Variants in PCDH11X observed in about 807,000 individuals in gnomAD.
PCDH11X encodes the protein protocadherin 11 X-linked.
A neutral mutation model predicts 53.3 loss-of-function variants in PCDH11X; 18 were observed. That is an observed-to-expected ratio of 0.34 (90% CI 0.23 to 0.50). The LOEUF (loss-of-function observed/expected upper bound fraction) is 0.50. Ranked by LOEUF, PCDH11X falls within the 20% of genes least tolerant of loss-of-function variation. PCDH11X has a pLI of 0.98. For missense variants in PCDH11X, 570 were observed against 1,032.4 expected (o/e 0.55, Z 6.14); for synonymous variants, 279 against 393.3 (o/e 0.71, Z 3.44).
In PCDH11X at chrX:92,409,996, G is replaced by A. The variant is rs1456972687; in HGVS notation, c.3343+22063G>A. ...CATAGATTTATACATAGGACTGGTG[G>A]CAAAAAATGTAAACTAGAAATATGA... On this transcript the variant is annotated intron_variant, in intron 9 of 10. Transcript: ENST00000682573. Among the ~76,000 whole-genome samples the A allele has an allele frequency of 2.7e-5, 3 of 110,700 alleles. No individual in the cohort carries two copies. In the Admixed American group the frequency reaches 2.9e-4, roughly 11 times the overall value.
At chrX:92,218,449 G>C (rs1026223087) in intron 7 of PCDH11X, among the ~76,000 whole-genome samples, 3 of 111,463 alleles carry the variant, frequency 2.7e-5, no homozygotes, top group African/African-American at 9.8e-5. Context: ...AAATCTAGAA[G>C]AAATGGATAA....
At position 91,918,657 on chromosome X, in the gene PCDH11X, G is replaced by GT. The variant is rs764053391; in HGVS notation, c.3033+39391dup. Among the ~76,000 whole-genome samples the GT allele has an allele frequency of 1.7e-3, 184 of 110,455 alleles. 1 individual carries two copies. Among genetic ancestry groups the GT allele is most frequent in the Admixed American group, 3.8e-3 (39 of 10,338 alleles). On this transcript the variant is annotated intron_variant, in intron 6 of 10. Transcript: ENST00000682573. ...GGATATTTACTGCAAAAAAAAATGT[G>GT]TTTTTTTCACATTTTGTACTAATGG...
intron 10 of PCDH11X, among the ~76,000 whole-genome samples, chrX:92,563,261 G>A (rs767191380): frequency 4.6e-5 from 5 of 107,769 alleles, no homozygotes; most frequent in Non-Finnish European, 9.6e-5. Context: ...AAAAGCATGA[G>A]CAAGAGAGTG....
chrX:92,136,570 C>G (rs991983568), intron 6 of PCDH11X, among the ~76,000 whole-genome samples: 1 of 104,914 alleles, frequency 9.5e-6, no homozygotes, highest in East Asian at 3.1e-4. Flanking sequence ...TCCAGCCATG[C>G]TCATTCTTTT....
At chrX:92,535,940 C>A (rs1463175720) in intron 10 of PCDH11X, among the ~76,000 whole-genome samples, 4 of 107,389 alleles carry the variant, frequency 3.7e-5, no homozygotes, top group Non-Finnish European at 7.7e-5. Context: ...CAGAGTTCAT[C>A]CTTTCAACTT....
chrX:91,983,604 C>A (rs939507993), intron 6 of PCDH11X: 17 of 393,611 alleles, frequency 4.3e-5, no homozygotes, highest in African/African-American at 4.3e-4. Flanking sequence ...CGGGGCCCAA[C>A]TCCCGTTTTT....
At chrX:92,517,631 C>T (rs917562379) in intron 10 of PCDH11X, among the ~76,000 whole-genome samples, 1 of 110,725 alleles carries the variant, frequency 9.0e-6, no homozygotes, top group African/African-American at 3.3e-5. Flanking sequence ...AATTTTATCT[C>T]ATGGGATTTT....
chrX:92,292,300 C>T (rs1220522338), intron 8 of PCDH11X, among the ~76,000 whole-genome samples: 18 of 111,980 alleles, frequency 1.6e-4, no homozygotes, highest in African/African-American at 5.5e-4. Flanking sequence ...AAGAACAGAA[C>T]ATTCATAAAT....
chrX:91,976,292 G>C (rs2062045689), intron 6 of PCDH11X, among the ~76,000 whole-genome samples: 1 of 111,809 alleles, frequency 8.9e-6, no homozygotes, highest in South Asian at 3.7e-4. Flanking sequence ...TATTAAGTGT[G>C]TTTTTGCTTT....
intron 6 of PCDH11X, among the ~76,000 whole-genome samples, chrX:92,057,946 T>G (rs2063473838): frequency 1.2e-5 from 1 of 85,500 alleles, no homozygotes; most frequent in African/African-American, 6.8e-5. Context: ...AAAATTGCAG[T>G]CTACTTGATT....
At chrX:92,276,334 G>C (rs967659907) in intron 8 of PCDH11X, among the ~76,000 whole-genome samples, 5 of 107,313 alleles carry the variant, frequency 4.7e-5, no homozygotes, top group African/African-American at 1.7e-4. Flanking sequence ...TCAGTCTTTA[G>C]CCATTAAGCC....
Position 92,166,917 on chromosome X carries a change from C to G in PCDH11X, c.3034-34458C>G, listed in dbSNP as rs747975659. ...ACTTAAAAAAGAAAAATAAATTCAT[C>G]TAGGCAAAAAGGCAATTAGTTGGCT... is the stretch of plus-strand genomic sequence containing the variant. On this transcript the variant is annotated intron_variant, in intron 6 of 10. Transcript: ENST00000682573. 1.3e-3 allele frequency among the ~76,000 whole-genome samples: 148 copies of G among 110,717 alleles called. 1 individual carries two copies. The highest frequency in any genetic ancestry group is 4.5e-3 in the African/African-American group (139 of 30,555).
chrX:92,534,547 A>G (rs1322530570), intron 10 of PCDH11X, among the ~76,000 whole-genome samples: 1 of 111,507 alleles, frequency 9.0e-6, no homozygotes, highest in African/African-American at 3.3e-5. Context: ...TTCAGGAAAT[A>G]CAGAGAACAC....
At chrX:92,104,233 G>A (rs1046390980) in intron 6 of PCDH11X, among the ~76,000 whole-genome samples, 5 of 110,415 alleles carry the variant, frequency 4.5e-5, no homozygotes, top group African/African-American at 1.7e-4. Context: ...AAAGATTATA[G>A]GGTGGAGGAG....
At chrX:92,464,885 T>C (rs2073128112) in intron 9 of PCDH11X, among the ~76,000 whole-genome samples, 1 of 111,350 alleles carries the variant, frequency 9.0e-6, no homozygotes, top group South Asian at 3.8e-4. Context: ...GTACACTGAT[T>C]TCATTTTTTT....
At chrX:92,112,584 G>A (rs2064543223) in intron 6 of PCDH11X, among the ~76,000 whole-genome samples, 1 of 109,326 alleles carries the variant, frequency 9.1e-6, no homozygotes, top group South Asian at 3.7e-4. Flanking sequence ...ATGACAATTT[G>A]ATATCATTGT....
chrX:92,127,266 C>G (rs1200488061), intron 6 of PCDH11X, among the ~76,000 whole-genome samples: 3 of 107,513 alleles, frequency 2.8e-5, no homozygotes, highest in African/African-American at 1.0e-4. Context: ...TTTCATTTTC[C>G]TCTAATATAG....
intron 10 of PCDH11X, among the ~76,000 whole-genome samples, chrX:92,489,468 A>T (rs1171396891): frequency 9.1e-6 from 1 of 110,431 alleles, no homozygotes; most frequent in Non-Finnish European, 1.9e-5. Context: ...GAATTTATTT[A>T]TCCGTTATCT....
chrX:92,404,034 C>G (rs1015127137), intron 9 of PCDH11X, among the ~76,000 whole-genome samples: 1 of 108,523 alleles, frequency 9.2e-6, no homozygotes, highest in Admixed American at 1.0e-4. Flanking sequence ...AAGCATAATT[C>G]TTTTGGATAA....
Sources: gnomAD v4.1 joint callset for allele counts (sites outside exome capture counted in the v4.1 genomes callset) on GRCh38, gnomAD v4.1.1 for gene constraint, MANE v1.5 for transcripts, NCBI Gene and HGNC (gene_info 2026-07-23, HGNC 2026-07-21) for gene names.